SMARCAD1: variants seen among roughly 807,000 people sequenced by gnomAD.
The protein encoded by SMARCAD1 is SNF2 related chromatin remodeling ATPase with DExD box 1, also known as SWI/SNF-related matrix-associated actin-dependent regulator of chromatin subfamily A containing DEAD/H box 1.
In SMARCAD1, 25 loss-of-function variants were observed where a neutral mutation model predicts 127.1. The observed-to-expected ratio is 0.20, with a 90% CI of 0.14 to 0.27. The LOEUF is 0.27. SMARCAD1 is among the 10% of genes least tolerant of loss of function. The pLI, the probability that SMARCAD1 is intolerant of heterozygous loss-of-function variation, is 1.00. For synonymous variants in SMARCAD1, 400 were observed against 396.9 expected (o/e 1.01, Z -0.09); for missense variants, 807 against 1,206.0 (o/e 0.67, Z 4.90).
chr4:94,276,382 C>A lies in SMARCAD1; in HGVS notation c.1852C>A (p.Arg618=), dbSNP rs1248462648. Reference sequence around the variant, plus strand: ...CAGTTCTGATGACCGTAGTCTGTTTCGACGGCTGAAACTTAATTACGCAAT... The same window carrying A: ...CAGTTCTGATGACCGTAGTCTGTTTAGACGGCTGAAACTTAATTACGCAAT... ...ISSSDDRSLF[R]RLKLNYAIFD... is the part of the protein sequence containing the mutation. The change falls in exon 15 of 24, where the codon CGA becomes AGA. Residue 618 remains arginine (R), a synonymous_variant. Transcript: ENST00000354268. 6.2e-7 allele frequency: 1 copy of A among 1,614,074 alleles called. No individual in the cohort carries two copies. The highest frequency in any genetic ancestry group is 2.2e-5 in the East Asian group (1 of 44,866).
intron 3 of SMARCAD1, 42 bp downstream of exon 3, chr4:94,226,338 G>T: frequency 6.6e-7 from 1 of 1,505,018 alleles, no homozygotes; most frequent in Non-Finnish European, 9.1e-7. Context: ...ATGTGTGTGA[G>T]ATTTTCCAAG....
intron 6 of SMARCAD1, among the ~76,000 whole-genome samples, chr4:94,245,889 C>G (rs1748334712): frequency 6.6e-6 from 1 of 152,178 alleles, no homozygotes; most frequent in Admixed American, 6.5e-5. Flanking sequence ...GCAAAACTGA[C>G]TGTGGTCAGT....
chr4:94,290,378 T>C lies in SMARCAD1; in HGVS notation c.*844T>C, dbSNP rs765833133. On this transcript the variant is annotated 3_prime_UTR_variant, in exon 24 of 24. Coordinates refer to ENST00000354268, the MANE Select transcript of SMARCAD1 (RefSeq NM_020159.5). ...TCTTCCTCTCTAAATAGTAGTTTAT[T>C]ACTGCCACATCTCCATGCATCAGCA... 4.4e-6 allele frequency: 2 copies of C among 454,516 alleles called. No individual in the cohort carries two copies. Among genetic ancestry groups the C allele is most frequent in the Middle Eastern group, 6.9e-4 (1 of 1,444 alleles). 28.2% of individuals were successfully genotyped at this position (454,516 alleles called of 1,614,324 possible).
At position 94,252,813 on chromosome 4, in the gene SMARCAD1, G is replaced by A; in HGVS notation, c.1087G>A (p.Gly363Ser). ...RVVEDSEYDS[G>S]SDVGSSLDED... Reference sequence around the variant, plus strand: ...TGTTGAAGACTCTGAATATGATTCAGGTTCTGATGTCGGTAGTTCACTAGA... The same window carrying A: ...TGTTGAAGACTCTGAATATGATTCAAGTTCTGATGTCGGTAGTTCACTAGA... Residue 363 changes from glycine (G) to serine (S), a missense_variant, in exon 9 of 24, where the codon GGT (glycine) becomes AGT (serine). Gly to Ser is a moderately conservative substitution (Grantham distance 56). Around this residue, in one of 8 missense-constraint regions of SMARCAD1, gnomAD observed 257 missense variants for 303.4 expected, o/e 0.85. Coordinates refer to ENST00000354268, the MANE Select transcript of SMARCAD1 (RefSeq NM_020159.5). 1 of 1,614,078 alleles carries A rather than the reference G, an allele frequency of 6.2e-7. No homozygotes were observed. Among genetic ancestry groups the A allele is most frequent in the Non-Finnish European group, 8.5e-7 (1 of 1,179,990 alleles).
chr4:94,226,369 A>T (rs878933597), intron 3 of SMARCAD1, 73 bp downstream of exon 3: 3 of 1,236,190 alleles, frequency 2.4e-6, no homozygotes, highest in African/African-American at 3.1e-5. Flanking sequence ...ACCTAATTTG[A>T]GATATTTTGG....
At chr4:94,208,609 G>GTAA in intron 2 of SMARCAD1, 25 bp downstream of exon 2, 2 of 1,599,998 alleles carry the variant, frequency 1.3e-6, no homozygotes, top group Non-Finnish European at 1.7e-6. Context: ...TAAAATTGAT[G>GTAA]TAACATCAAG....
Position 94,216,985 on chromosome 4 carries a change from A to G in SMARCAD1, c.190+8401A>G, listed in dbSNP as rs576014818. Among the ~76,000 whole-genome samples the G allele has an allele frequency of 6.6e-5, 10 of 152,174 alleles. No homozygotes were observed. The East Asian group carries it at 1.9e-3, about 29-fold the overall frequency. The stretch of plus-strand genomic sequence containing the variant: ...TGGATCATATAGTAATTCTATTTTT[A>G]ATTTTTTGCGGAACCTCCATACCGT... On this transcript the variant is annotated intron_variant, in intron 2 of 23. Transcript: ENST00000354268.
At chr4:94,260,330 T>C (rs1017467779) in intron 9 of SMARCAD1, among the ~76,000 whole-genome samples, 6 of 152,242 alleles carry the variant, frequency 3.9e-5, no homozygotes, top group African/African-American at 1.4e-4. Flanking sequence ...CATTGCAAAA[T>C]TAATACTTTT....
chr4:94,254,267 T>C (rs1197733865), intron 9 of SMARCAD1, among the ~76,000 whole-genome samples: 1 of 152,182 alleles, frequency 6.6e-6, no homozygotes, highest in South Asian at 2.1e-4. Flanking sequence ...TGTTAAAGTA[T>C]TTGCTGAAGG....
At chr4:94,230,449 C>G (rs1426910178) in intron 3 of SMARCAD1, among the ~76,000 whole-genome samples, 2 of 151,984 alleles carry the variant, frequency 1.3e-5, no homozygotes, top group Non-Finnish European at 2.9e-5. Flanking sequence ...TGTGAACATT[C>G]CTTATTTTAT....
In SMARCAD1 at chr4:94,290,863, A is replaced by G. The variant is rs1755593221; in HGVS notation, c.*1329A>G. 2.2e-6 allele frequency: 1 copy of G among 449,606 alleles called. No individual in the cohort carries two copies. The highest frequency in any genetic ancestry group is 4.4e-6 in the Non-Finnish European group (1 of 224,894). 27.9% of individuals were successfully genotyped at this position (449,606 alleles called of 1,614,324 possible). A position where few individuals can be genotyped will look rare whatever the true frequency, so the allele number is the denominator to read the frequency against. On this transcript the variant is annotated 3_prime_UTR_variant, in exon 24 of 24. Coordinates refer to ENST00000354268, the MANE Select transcript of SMARCAD1 (RefSeq NM_020159.5). ...GAAATCATGCTTTTCAAAGCATCCTAACTTGCTAAGATGCTAGGTAGTACG... is the reference window on the plus strand; with the variant it reads ...GAAATCATGCTTTTCAAAGCATCCTGACTTGCTAAGATGCTAGGTAGTACG...
chr4:94,241,617 T>C (rs1275642966), intron 6 of SMARCAD1, among the ~76,000 whole-genome samples: 1 of 152,184 alleles, frequency 6.6e-6, no homozygotes, highest in African/African-American at 2.4e-5. Flanking sequence ...GGCAAATTCA[T>C]ACTTAGAGCA....
intron 6 of SMARCAD1, chr4:94,248,662 T>C: frequency 8.0e-6 from 3 of 376,392 alleles, no homozygotes; most frequent in Non-Finnish European, 1.6e-5. Context: ...TTGTAACCTA[T>C]TAACATTCTC....
rs577030181 is a variant in SMARCAD1, at chr4:94,245,498, C to A, written c.706-4156C>A. Among the ~76,000 whole-genome samples, 4 of 152,294 alleles carry A rather than the reference C, an allele frequency of 2.6e-5. No individual in the cohort carries two copies. In the South Asian group the frequency reaches 8.3e-4, roughly 32 times the overall value. On this transcript the variant is annotated intron_variant, in intron 6 of 23. Transcript: ENST00000354268. ...GTGTAAAAGGAGGAGGCTGGCAACA[C>A]CACAGAAATTTTATTTATTCTTTAT...
At chr4:94,265,554 T>G (rs1579275402) in intron 10 of SMARCAD1, among the ~76,000 whole-genome samples, 1 of 151,802 alleles carries the variant, frequency 6.6e-6, no homozygotes, top group East Asian at 1.9e-4. Context: ...AAAGTGGTTT[T>G]TGTAATTGTG....
chr4:94,226,505 T>G (rs866303715), intron 3 of SMARCAD1, among the ~76,000 whole-genome samples: 2 of 105,344 alleles, frequency 1.9e-5, no homozygotes, highest in African/African-American at 8.6e-5. Flanking sequence ...TGGATAACAG[T>G]GATTTTTTTT....
intron 2 of SMARCAD1, among the ~76,000 whole-genome samples, chr4:94,221,209 T>C (rs767672787): frequency 2.6e-5 from 4 of 152,336 alleles, no homozygotes; most frequent in South Asian, 2.1e-4. Context: ...TCAATGGTGA[T>C]ATTAACAAAA....
At chr4:94,261,797 A>T (rs1751031920) in intron 9 of SMARCAD1, among the ~76,000 whole-genome samples, 1 of 152,058 alleles carries the variant, frequency 6.6e-6, no homozygotes, top group Non-Finnish European at 1.5e-5. Context: ...TTTGGTAGAG[A>T]TGGAGTTCTG....
intron 10 of SMARCAD1, among the ~76,000 whole-genome samples, chr4:94,269,512 C>A (rs1292292427): frequency 7.1e-6 from 1 of 141,280 alleles, no homozygotes; most frequent in Admixed American, 7.1e-5. Flanking sequence ...TTTTTTTTAT[C>A]TGTTAAAGTG....
Sources: gnomAD v4.1 joint callset for allele counts (sites outside exome capture counted in the v4.1 genomes callset) on GRCh38, gnomAD v4.1.1 for gene constraint, gnomAD v4.1.1 regional missense constraint, MANE v1.5 for transcripts, NCBI Gene and HGNC (gene_info 2026-07-23, HGNC 2026-07-21) for gene names.